Variants in GRIN2B observed in about 807,000 individuals in gnomAD.
The protein encoded by GRIN2B is glutamate receptor ionotropic, NMDA 2B.
GRIN2B carries 5 observed loss-of-function variants against 114.5 expected under a neutral mutation model. That is an observed-to-expected ratio of 0.04 (90% confidence interval 0.02 to 0.09). The LOEUF (loss-of-function observed/expected upper bound fraction) is 0.09. GRIN2B is among the 10% of genes least tolerant of loss of function. The pLI is 1.00. For synonymous variants in GRIN2B, 787 were observed against 745.1 expected (o/e 1.06, Z -0.92); for missense variants, 1,108 against 1,943.5 (o/e 0.57, Z 8.08).
At chr12:13,902,247 A>G (rs1464962052) in intron 2 of GRIN2B, among the ~76,000 whole-genome samples, 1 of 152,180 alleles carries the variant, frequency 6.6e-6, no homozygotes, top group Non-Finnish European at 1.5e-5. Context: ...AGTTAATTTT[A>G]CAATCTATTT....
intron 4 of GRIN2B, among the ~76,000 whole-genome samples, chr12:13,709,743 C>T (rs1395825953): frequency 6.6e-6 from 1 of 152,010 alleles, no homozygotes; most frequent in Non-Finnish European, 1.5e-5. Context: ...TATTATTTCT[C>T]AGCATTCCCT....
At chr12:13,611,230 G>C (rs886154771) in intron 9 of GRIN2B, among the ~76,000 whole-genome samples, 26 of 152,122 alleles carry the variant, frequency 1.7e-4, no homozygotes, top group Admixed American at 2.6e-4. Context: ...GGGCAAGGGG[G>C]TTGAACCAGG....
chr12:13,667,719 C>T (rs1949991004), intron 5 of GRIN2B, among the ~76,000 whole-genome samples: 1 of 152,132 alleles, frequency 6.6e-6, no homozygotes, highest in South Asian at 2.1e-4. Flanking sequence ...ATTATCCATA[C>T]ATTAAGATGC....
At chr12:13,684,241 G>T (rs990167150) in intron 4 of GRIN2B, among the ~76,000 whole-genome samples, 2 of 152,100 alleles carry the variant, frequency 1.3e-5, no homozygotes, top group Admixed American at 6.6e-5. Context: ...TAGAATAAAT[G>T]ATTCCTCAAA....
At chr12:13,714,416 A>T (rs1950438897) in intron 4 of GRIN2B, among the ~76,000 whole-genome samples, 1 of 151,926 alleles carries the variant, frequency 6.6e-6, no homozygotes, top group African/African-American at 2.4e-5. Context: ...GGAGAGAAAT[A>T]GTTTCCCTAG....
At chr12:13,746,497 C>T (rs926746249) in intron 4 of GRIN2B, among the ~76,000 whole-genome samples, 1 of 152,186 alleles carries the variant, frequency 6.6e-6, no homozygotes, top group East Asian at 1.9e-4. Flanking sequence ...CCGTCTGTAT[C>T]TTCTTCCCCT....
chr12:13,567,297 A>G (rs201104341), intron 12 of GRIN2B, 34 bp from the exon 13 acceptor site: 2 of 1,469,422 alleles, frequency 1.4e-6, no homozygotes, highest in African/African-American at 2.8e-5. Context: ...AATGGATAAA[A>G]AGAGGAGACA....
chr12:13,911,063 T>C (rs35028277), intron 2 of GRIN2B, among the ~76,000 whole-genome samples: 29,137 of 151,952 alleles, frequency 0.19, 3,719 homozygotes, highest in Middle Eastern at 0.3. Context: ...TCTTCTCCTA[T>C]AGACCCCCTA....
chr12:13,597,022 C>T (rs1280433492), intron 10 of GRIN2B, among the ~76,000 whole-genome samples: 5 of 152,234 alleles, frequency 3.3e-5, no homozygotes, highest in African/African-American at 9.6e-5. Context: ...GGGGCAGATG[C>T]AGGCTGTGGG....
chr12:13,602,286 C>T (rs1949171390), intron 10 of GRIN2B, among the ~76,000 whole-genome samples: 1 of 152,224 alleles, frequency 6.6e-6, no homozygotes, highest in African/African-American at 2.4e-5. Context: ...CATACCCTTA[C>T]ATTTTGCTCA....
intron 4 of GRIN2B, among the ~76,000 whole-genome samples, chr12:13,710,486 T>G (rs1046868127): frequency 2.6e-5 from 4 of 152,100 alleles, no homozygotes; most frequent in Non-Finnish European, 5.9e-5. Context: ...AACCCCATCG[T>G]CTCAGCCCAA....
intron 4 of GRIN2B, among the ~76,000 whole-genome samples, chr12:13,699,739 C>T (rs112484449): frequency 0.16 from 24,053 of 151,942 alleles, 2,101 homozygotes; most frequent in East Asian, 0.33. Flanking sequence ...CAGGTGTCTG[C>T]CACCACACCC....
chr12:13,702,055 C>T (rs990082867), intron 4 of GRIN2B, among the ~76,000 whole-genome samples: 15 of 152,100 alleles, frequency 9.9e-5, no homozygotes, highest in South Asian at 4.2e-4. Context: ...AGCAATTTGC[C>T]GACAAATAAT....
chr12:13,791,462 A>T (rs981206176), intron 3 of GRIN2B, among the ~76,000 whole-genome samples: 5 of 128,420 alleles, frequency 3.9e-5, no homozygotes, highest in South Asian at 4.9e-4. Context: ...AAAAAAAAAA[A>T]TAAAAAAAAA....
chr12:13,835,879 A>C (rs2136708702), intron 3 of GRIN2B, among the ~76,000 whole-genome samples: 1 of 152,168 alleles, frequency 6.6e-6, no homozygotes, highest in Admixed American at 6.5e-5. Flanking sequence ...GCAGCCAGGC[A>C]TGCCTTTAAA....
intron 2 of GRIN2B, among the ~76,000 whole-genome samples, chr12:13,938,037 G>C (rs951262625): frequency 6.6e-6 from 1 of 151,968 alleles, no homozygotes; most frequent in Non-Finnish European, 1.5e-5. Flanking sequence ...TTTAGCCCTA[G>C]AGCAACCACT....
intron 2 of GRIN2B, among the ~76,000 whole-genome samples, chr12:13,911,243 T>C (rs1866622896): frequency 6.6e-6 from 1 of 151,984 alleles, no homozygotes; most frequent in East Asian, 1.9e-4. Flanking sequence ...CAGAATAAGA[T>C]GATAGTTTTG....
At chr12:13,640,511 A>G (rs1296652914) in intron 5 of GRIN2B, among the ~76,000 whole-genome samples, 1 of 151,932 alleles carries the variant, frequency 6.6e-6, no homozygotes, top group Non-Finnish European at 1.5e-5. Context: ...CATCCAATTC[A>G]TTCCCCCTCT....
At chr12:13,625,359 G>A (rs540804891) in intron 5 of GRIN2B, among the ~76,000 whole-genome samples, 6 of 152,182 alleles carry the variant, frequency 3.9e-5, no homozygotes, top group South Asian at 2.1e-4. Context: ...TGATGGTTGT[G>A]TCTAAAGGAT....
Sources: gnomAD v4.1 joint callset for allele counts (sites outside exome capture counted in the v4.1 genomes callset) on GRCh38, gnomAD v4.1.1 for gene constraint, MANE v1.5 for transcripts, NCBI Gene and HGNC (gene_info 2026-07-23, HGNC 2026-07-21) for gene names.